The following MGAT5 variants were observed in gnomAD, a reference collection of about 807,000 sequenced individuals.
The protein encoded by MGAT5 is alpha-1,6-mannosylglycoprotein 6-beta-N-acetylglucosaminyltransferase A.
Under a neutral mutation model 94.3 loss-of-function variants are expected in MGAT5, and 30 were observed. That is an observed-to-expected ratio of 0.32 (90% CI 0.24 to 0.43). The LOEUF is 0.43. MGAT5 is among the 20% of genes least tolerant of loss of function. The pLI, the probability that MGAT5 is intolerant of heterozygous loss-of-function variation, is 1.00. For missense variants in MGAT5, 691 were observed against 905.5 expected (o/e 0.76, Z 3.04); for synonymous variants, 310 against 322.9 (o/e 0.96, Z 0.43).
At chr2:134,246,165 T>TTTA (rs1682246026) in intron 1 of MGAT5, among the ~76,000 whole-genome samples, 1 of 57,356 alleles carries the variant, frequency 1.7e-5, no homozygotes, top group Non-Finnish European at 3.6e-5. Flanking sequence ...TTTTCCTGTT[T>TTTA]ATAAAAAAAA....
chr2:134,161,070 G>T (rs1415592179), intron 1 of MGAT5, among the ~76,000 whole-genome samples: 2 of 152,256 alleles, frequency 1.3e-5, no homozygotes, highest in Non-Finnish European at 2.9e-5. Flanking sequence ...AGGTGAAGAA[G>T]CTTGGAGACA....
At chr2:134,311,666 A>ACTTCCAGCCT (rs1686672727) in intron 2 of MGAT5, among the ~76,000 whole-genome samples, 1 of 152,128 alleles carries the variant, frequency 6.6e-6, no homozygotes, top group African/African-American at 2.4e-5. Context: ...TTAGCCCCTG[A>ACTTCCAGCCT]CTTCCAGCCT....
At chr2:134,337,343 C>T (rs1280687402) in intron 5 of MGAT5, among the ~76,000 whole-genome samples, 4 of 152,084 alleles carry the variant, frequency 2.6e-5, no homozygotes, top group South Asian at 2.1e-4. Flanking sequence ...AGCGTGGTGG[C>T]GAGTGCCTAT....
At chr2:134,429,679 G>T (rs550096927) in intron 14 of MGAT5, among the ~76,000 whole-genome samples, 1 of 152,260 alleles carries the variant, frequency 6.6e-6, no homozygotes, top group South Asian at 2.1e-4. Context: ...ATGCTATATT[G>T]TACTGTAATA....
chr2:134,438,031 G>A (rs370450001), intron 14 of MGAT5, among the ~76,000 whole-genome samples: 28 of 123,034 alleles, frequency 2.3e-4, no homozygotes, highest in South Asian at 2.7e-4. Context: ...AAAAAAAAAA[G>A]ATTTACAGGT....
At chr2:134,380,419 G>A (rs1369283708) in intron 10 of MGAT5, among the ~76,000 whole-genome samples, 1 of 152,214 alleles carries the variant, frequency 6.6e-6, no homozygotes, top group Non-Finnish European at 1.5e-5. Context: ...GCTGTTGTTA[G>A]AATGCAAGTG....
intron 2 of MGAT5, among the ~76,000 whole-genome samples, chr2:134,282,155 G>A (rs1295146619): frequency 6.6e-6 from 1 of 152,190 alleles, no homozygotes; most frequent in East Asian, 1.9e-4. Context: ...TCCCTGTACT[G>A]CCCAGGAATG....
At chr2:134,170,704 A>G (rs1330165225) in intron 1 of MGAT5, among the ~76,000 whole-genome samples, 1 of 152,158 alleles carries the variant, frequency 6.6e-6, no homozygotes, top group Admixed American at 6.5e-5. Flanking sequence ...TCTCAGTTTT[A>G]CAATTTTCTG....
At chr2:134,187,778 ATTT>A (rs1298176104) in intron 1 of MGAT5, among the ~76,000 whole-genome samples, 1 of 152,196 alleles carries the variant, frequency 6.6e-6, no homozygotes, top group Admixed American at 6.5e-5. Flanking sequence ...TCATTATATA[ATTT>A]TTATTTGAAA....
chr2:134,197,109 G>T (rs540909819), intron 1 of MGAT5, among the ~76,000 whole-genome samples: 1 of 152,212 alleles, frequency 6.6e-6, no homozygotes. Context: ...GGTATGGGGG[G>T]TGGTCAGGGA....
In MGAT5 at chr2:134,451,500, G is replaced by C. The variant is rs1168887075; in HGVS notation, c.*2653G>C. The stretch of plus-strand genomic sequence containing the variant: ...AGTCAGTGATCCTGGAGAGGAAACT[G>C]GGGAGGGGGCTTCCAACTGCCCTGC... On this transcript the variant is annotated 3_prime_UTR_variant, in exon 16 of 16. Coordinates refer to ENST00000281923, the MANE Select transcript of MGAT5 (RefSeq NM_002410.5). 1 of 152,264 alleles carries C rather than the reference G, an allele frequency of 6.6e-6. No homozygotes were observed. The highest frequency in any genetic ancestry group is 2.4e-5 in the African/African-American group (1 of 41,456). The allele number at this position is 152,264 out of a possible 1,614,324, so 9.4% of individuals were successfully genotyped here.
intron 4 of MGAT5, among the ~76,000 whole-genome samples, chr2:134,334,354 T>G (rs1688203677): frequency 6.6e-6 from 1 of 152,068 alleles, no homozygotes; most frequent in Non-Finnish European, 1.5e-5. Flanking sequence ...ATGTCTCTCC[T>G]CTTAGTTGAT....
chr2:134,204,789 C>T (rs1679952806), intron 1 of MGAT5, among the ~76,000 whole-genome samples: 2 of 152,132 alleles, frequency 1.3e-5, no homozygotes, highest in African/African-American at 4.8e-5. Flanking sequence ...ATGGGAAAAG[C>T]CCTGCCCTCA....
chr2:134,142,118 C>T (rs1260538077), intron 1 of MGAT5, among the ~76,000 whole-genome samples: 1 of 152,152 alleles, frequency 6.6e-6, no homozygotes, highest in Admixed American at 6.5e-5. Flanking sequence ...TAATTCTGGT[C>T]TTGCATAGTT....
rs753397270 is a variant in MGAT5, at chr2:134,254,298, G to A, written c.-106G>A. 9.8e-6 allele frequency: 14 copies of A among 1,421,830 alleles called. No individual in the cohort carries two copies. The highest frequency in any genetic ancestry group is 1.3e-5 in the Non-Finnish European group (14 of 1,049,088). The allele number at this position is 1,421,830 out of a possible 1,614,324, so 88.1% of individuals were successfully genotyped here. A position where few individuals can be genotyped will look rare whatever the true frequency, so the allele number is the denominator to read the frequency against. ...TGAGGAAAGGCAACCAGCTGACACA[G>A]GAGCCAGAGTGAGACCAGCAGACTC... On this transcript the variant is annotated 5_prime_UTR_variant, in exon 1 of 16. Coordinates refer to ENST00000281923, the MANE Select transcript of MGAT5 (RefSeq NM_002410.5).
At chr2:134,381,692 A>G (rs1489431343) in intron 10 of MGAT5, among the ~76,000 whole-genome samples, 1 of 152,192 alleles carries the variant, frequency 6.6e-6, no homozygotes, top group Non-Finnish European at 1.5e-5. Context: ...TTGGCTTCCT[A>G]CTTTCCATGG....
intron 15 of MGAT5, among the ~76,000 whole-genome samples, chr2:134,447,939 G>T (rs561902416): frequency 1.3e-5 from 2 of 152,322 alleles, no homozygotes; most frequent in South Asian, 4.1e-4. Flanking sequence ...CTCTAACTGG[G>T]GTTACCATTG....
intron 1 of MGAT5, among the ~76,000 whole-genome samples, chr2:134,175,233 A>G (rs1350255078): frequency 6.6e-6 from 1 of 152,216 alleles, no homozygotes; most frequent in East Asian, 1.9e-4. Context: ...TATTTTAAAT[A>G]TTTCAAATAT....
intron 8 of MGAT5, among the ~76,000 whole-genome samples, chr2:134,346,711 A>T (rs1688942288): frequency 6.6e-6 from 1 of 152,204 alleles, no homozygotes; most frequent in African/African-American, 2.4e-5. Context: ...AATTTTGTCC[A>T]ATTTACGTAG....
Sources: gnomAD v4.1 joint callset for allele counts (sites outside exome capture counted in the v4.1 genomes callset) on GRCh38, gnomAD v4.1.1 for gene constraint, MANE v1.5 for transcripts, NCBI Gene and HGNC (gene_info 2026-07-23, HGNC 2026-07-21) for gene names.